ZFAND3: variants seen among roughly 807,000 people sequenced by gnomAD.
The protein encoded by ZFAND3 is AN1-type zinc finger protein 3.
ZFAND3 carries 10 observed loss-of-function variants against 29.6 expected under a neutral mutation model. The ratio of observed to expected loss-of-function variants is 0.34; its 90% CI spans 0.21 to 0.57. ZFAND3 has a LOEUF of 0.57. Among genes scored for constraint, ZFAND3 ranks in the 20% least tolerant of loss-of-function variants. The pLI is 0.86. For synonymous variants in ZFAND3, 128 were observed against 112.6 expected, an observed-to-expected ratio of 1.14 and a Z score of -0.87; for missense variants, 230 against 304.5, an observed-to-expected ratio of 0.76 and a Z score of 1.82.
chr6:38,124,771 G>A (rs893776545), intron 5 of ZFAND3, among the ~76,000 whole-genome samples: 20 of 152,252 alleles, frequency 1.3e-4, no homozygotes, highest in African/African-American at 4.1e-4. Flanking sequence ...CCCCCACAGC[G>A]CAGTGGCGGG....
chr6:38,139,837 A>C (rs1245418597), intron 5 of ZFAND3, among the ~76,000 whole-genome samples: 2 of 151,916 alleles, frequency 1.3e-5, no homozygotes, highest in Non-Finnish European at 2.9e-5. Flanking sequence ...TGCTCTGAGG[A>C]AGGTGGATTT....
At chr6:38,047,947 CAGACCTAGGTTTT>C (rs1055408403) in intron 2 of ZFAND3, among the ~76,000 whole-genome samples, 2 of 150,682 alleles carry the variant, frequency 1.3e-5, no homozygotes, top group Non-Finnish European at 2.9e-5. Context: ...AGATCTGTTC[CAGACCTAGGTTTT>C]TGGGTTTTTT....
chr6:38,029,807 T>A (rs1581852609), intron 2 of ZFAND3, among the ~76,000 whole-genome samples: 1 of 152,110 alleles, frequency 6.6e-6, no homozygotes, highest in Non-Finnish European at 1.5e-5. Context: ...TCGTATAAAT[T>A]ATCGTCATGT....
chr6:37,985,527 A>ACACACACACACACACACC (rs753070737), intron 2 of ZFAND3, among the ~76,000 whole-genome samples: 6 of 141,656 alleles, frequency 4.2e-5, no homozygotes, highest in East Asian at 4.0e-4. Context: ...ACACACACAC[A>ACACACACACACACACACC]CCCCCACACA....
intron 4 of ZFAND3, among the ~76,000 whole-genome samples, chr6:38,089,482 C>T (rs189091689): frequency 6.6e-4 from 100 of 152,178 alleles, no homozygotes; most frequent in Admixed American, 6.1e-3. Context: ...CTTGCAAAGA[C>T]GAGAAGAAAA....
intron 3 of ZFAND3, among the ~76,000 whole-genome samples, chr6:38,067,722 A>G (rs1764374704): frequency 6.6e-6 from 1 of 152,204 alleles, no homozygotes; most frequent in African/African-American, 2.4e-5. Context: ...CGCTGGAATC[A>G]GTTGTTTTGT....
At chr6:37,839,204 A>T (rs1202245788) in intron 1 of ZFAND3, among the ~76,000 whole-genome samples, 1 of 149,876 alleles carries the variant, frequency 6.7e-6, no homozygotes, top group East Asian at 1.9e-4. Context: ...TTTTTGAGAC[A>T]GAGTCTTACT....
At chr6:38,077,435 A>T (rs1452273395) in intron 3 of ZFAND3, among the ~76,000 whole-genome samples, 1 of 150,434 alleles carries the variant, frequency 6.6e-6, no homozygotes, top group Non-Finnish European at 1.5e-5. Context: ...TTTTATGTAA[A>T]TGTCATGTTA....
At chr6:37,956,102 A>G (rs190977908) in intron 2 of ZFAND3, among the ~76,000 whole-genome samples, 40 of 152,334 alleles carry the variant, frequency 2.6e-4, no homozygotes, top group African/African-American at 8.9e-4. Context: ...TCTAAAATCA[A>G]TTTTGAAAAA....
intron 2 of ZFAND3, among the ~76,000 whole-genome samples, chr6:37,986,654 T>G (rs1051204826): frequency 3.9e-5 from 6 of 152,212 alleles, no homozygotes; most frequent in Admixed American, 3.9e-4. Flanking sequence ...ATTTATGTAT[T>G]TATTTTCGCA....
chr6:37,923,567 T>C (rs1581764799), intron 1 of ZFAND3, among the ~76,000 whole-genome samples: 1 of 152,240 alleles, frequency 6.6e-6, no homozygotes, highest in African/African-American at 2.4e-5. Flanking sequence ...ATATAAAGTA[T>C]AGTAAATACA....
At chr6:38,130,620 A>C (rs997970527) in intron 5 of ZFAND3, among the ~76,000 whole-genome samples, 2 of 152,106 alleles carry the variant, frequency 1.3e-5, no homozygotes, top group Non-Finnish European at 2.9e-5. Context: ...CCATTTATTG[A>C]CTTGAGTATG....
chr6:37,899,565 T>C (rs1252756064), intron 1 of ZFAND3, among the ~76,000 whole-genome samples: 2 of 152,226 alleles, frequency 1.3e-5, no homozygotes, highest in Admixed American at 1.3e-4. Flanking sequence ...AGATGTATAT[T>C]TGTATTTAAA....
In ZFAND3 at chr6:37,869,537, G is replaced by T. The variant is rs181367021; in HGVS notation, c.71+49521G>T. Among the ~76,000 whole-genome samples, 474 of 149,348 alleles carry T rather than the reference G, an allele frequency of 3.2e-3. 2 individuals are homozygous for T. Among genetic ancestry groups the T allele is most frequent in the Admixed American group, 3.9e-3 (59 of 15,050 alleles). On this transcript the variant is annotated intron_variant, in intron 1 of 5. Coordinates refer to ENST00000287218, the MANE Select transcript of ZFAND3 (RefSeq NM_021943.3). ...AATTTTTTTTTTTTTTTGAGATAGG[G>T]TCTTGCTGTCACCCAGGCTTAAGTG... is the stretch of plus-strand genomic sequence containing the variant.
intron 2 of ZFAND3, among the ~76,000 whole-genome samples, chr6:38,014,644 AT>A (rs1286709872): frequency 6.6e-6 from 1 of 152,114 alleles, no homozygotes; most frequent in Non-Finnish European, 1.5e-5. Context: ...TTTGTTTTTA[AT>A]TTTTAAAAAT....
chr6:38,131,281 A>AT (rs1430226348), intron 5 of ZFAND3, among the ~76,000 whole-genome samples: 4 of 151,518 alleles, frequency 2.6e-5, no homozygotes, highest in East Asian at 1.9e-4. Context: ...ATCTTTTGTG[A>AT]TTTTTTTGTT....
At chr6:38,036,858 C>T (rs559116121) in intron 2 of ZFAND3, among the ~76,000 whole-genome samples, 132 of 152,312 alleles carry the variant, frequency 8.7e-4, no homozygotes, top group African/African-American at 2.6e-3. Flanking sequence ...AAGCAATCCT[C>T]CTGCCTTGGC....
chr6:37,820,752 C>T (rs1387172762), intron 1 of ZFAND3, among the ~76,000 whole-genome samples: 1 of 152,158 alleles, frequency 6.6e-6, no homozygotes, highest in African/African-American at 2.4e-5. Flanking sequence ...TCCTCTTTCT[C>T]AATTTAAGTA....
chr6:37,968,327 C>T (rs1762326860), intron 2 of ZFAND3, among the ~76,000 whole-genome samples: 1 of 151,336 alleles, frequency 6.6e-6, no homozygotes, highest in Non-Finnish European at 1.5e-5. Context: ...TGGGTGAGGC[C>T]TAACCATTGA....
Sources: allele counts gnomAD v4.1 joint callset (sites outside exome capture counted in the v4.1 genomes callset), GRCh38; gene constraint gnomAD v4.1.1; transcripts MANE v1.5; gene names NCBI Gene and HGNC (gene_info 2026-07-23, HGNC 2026-07-21).